The following FRMD4B variants were observed in gnomAD, a reference collection of about 807,000 sequenced individuals.
FRMD4B encodes FERM domain containing 4B.
Under a neutral mutation model 141.5 loss-of-function variants are expected in FRMD4B, and 74 were observed. The ratio of observed to expected loss-of-function variants is 0.52; its 90% CI spans 0.43 to 0.63. The LOEUF is 0.63. Ranked by LOEUF, FRMD4B falls within the 30% of genes least tolerant of loss-of-function variation. The pLI is 0.00. For missense variants in FRMD4B, 1,366 were observed against 1,253.4 expected (o/e 1.09, Z -1.36); for synonymous variants, 506 against 467.9 (o/e 1.08, Z -1.05).
chr3:69,277,491 A>G (rs2093623099), intron 5 of FRMD4B, among the ~76,000 whole-genome samples: 1 of 144,922 alleles, frequency 6.9e-6, no homozygotes, highest in East Asian at 2.0e-4. Flanking sequence ...TATGTCTTGA[A>G]CAGCATTTTC....
intron 1 of FRMD4B, among the ~76,000 whole-genome samples, chr3:69,323,633 T>G: frequency 1.6e-5 from 1 of 62,646 alleles, no homozygotes; most frequent in Admixed American, 1.9e-4. Context: ...TATATATATA[T>G]ATATATATAT....
At chr3:69,177,817 T>C (rs1344330295) in intron 21 of FRMD4B, among the ~76,000 whole-genome samples, 2 of 152,188 alleles carry the variant, frequency 1.3e-5, no homozygotes, top group African/African-American at 4.8e-5. Context: ...ATGTGTTCCA[T>C]AAGTTGACTT....
intron 1 of FRMD4B, among the ~76,000 whole-genome samples, chr3:69,456,732 G>GA (rs1559533104): frequency 0.012 from 1,420 of 120,558 alleles, 24 homozygotes; most frequent in African/African-American, 0.042. Context: ...TTCCATTTTT[G>GA]TAAAAAAAAA....
intron 4 of FRMD4B, among the ~76,000 whole-genome samples, chr3:69,300,681 A>G (rs1559789335): frequency 6.6e-6 from 1 of 152,230 alleles, no homozygotes; most frequent in Non-Finnish European, 1.5e-5. Context: ...ACACTACACC[A>G]CATGCACAAA....
chr3:69,211,294 C>T (rs1245361420), intron 11 of FRMD4B, among the ~76,000 whole-genome samples: 1 of 152,144 alleles, frequency 6.6e-6, no homozygotes, highest in African/African-American at 2.4e-5. Flanking sequence ...GATTAAACAA[C>T]ATGCTCAAGG....
At chr3:69,275,945 A>G (rs890443124) in intron 5 of FRMD4B, among the ~76,000 whole-genome samples, 1 of 152,148 alleles carries the variant, frequency 6.6e-6, no homozygotes. Flanking sequence ...AGTACATTTC[A>G]TATACATAAG....
intron 8 of FRMD4B, 52 bp downstream of exon 8, chr3:69,224,555 T>C: frequency 1.2e-6 from 1 of 817,354 alleles, no homozygotes; most frequent in Non-Finnish European, 2.1e-6. Context: ...AAGCATGTAG[T>C]TCTGAATGGA....
chr3:69,299,152 T>C (rs1701129214), intron 4 of FRMD4B, among the ~76,000 whole-genome samples: 1 of 152,138 alleles, frequency 6.6e-6, no homozygotes, highest in African/African-American at 2.4e-5. Context: ...AAAACTCCAA[T>C]ACATAATGAA....
At chr3:69,416,481 G>A (rs1704863754) in intron 2 of FRMD4B, among the ~76,000 whole-genome samples, 2 of 152,126 alleles carry the variant, frequency 1.3e-5, no homozygotes, top group South Asian at 2.1e-4. Flanking sequence ...GCAACCCACT[G>A]AATCTGGCCA....
chr3:69,438,288 T>C (rs1705292245), intron 1 of FRMD4B, among the ~76,000 whole-genome samples: 1 of 151,832 alleles, frequency 6.6e-6, no homozygotes, highest in South Asian at 2.1e-4. Flanking sequence ...ATTTTTTTTG[T>C]AGAGACAGGT....
At chr3:69,240,448 A>G (rs1278779884) in intron 7 of FRMD4B, among the ~76,000 whole-genome samples, 1 of 136,584 alleles carries the variant, frequency 7.3e-6, no homozygotes, top group Admixed American at 8.7e-5. Flanking sequence ...GCCACTGCAC[A>G]CTCCAGCCTG....
chr3:69,278,714 G>A (rs1367705719), intron 5 of FRMD4B, among the ~76,000 whole-genome samples: 1 of 151,944 alleles, frequency 6.6e-6, no homozygotes, highest in African/African-American at 2.4e-5. Flanking sequence ...AGCCTCTGAA[G>A]TAGCTGGGAC....
chr3:69,200,806 A>T (rs1208544477), intron 11 of FRMD4B: 1 of 571,936 alleles, frequency 1.7e-6, no homozygotes, highest in Non-Finnish European at 3.0e-6. Context: ...ACCCTAGTTT[A>T]CTCACCCTGG....
At chr3:69,373,500 C>G (rs1703885105) in intron 1 of FRMD4B, among the ~76,000 whole-genome samples, 1 of 152,144 alleles carries the variant, frequency 6.6e-6, no homozygotes, top group East Asian at 1.9e-4. Context: ...ACCTATTTAA[C>G]ATCATTAGAA....
intron 3 of FRMD4B, among the ~76,000 whole-genome samples, chr3:69,308,622 T>C (rs989578515): frequency 6.6e-6 from 1 of 152,016 alleles, no homozygotes; most frequent in Admixed American, 6.5e-5. Context: ...GCATTTTTAG[T>C]AGAGATGGGG....
chr3:69,226,033 A>G (rs1172400572), intron 7 of FRMD4B, among the ~76,000 whole-genome samples: 1 of 152,162 alleles, frequency 6.6e-6, no homozygotes, highest in East Asian at 1.9e-4. Flanking sequence ...CACCACAAGC[A>G]TTCCCATGCA....
intron 2 of FRMD4B, among the ~76,000 whole-genome samples, chr3:69,409,088 C>A (rs1262170350): frequency 6.6e-6 from 1 of 152,158 alleles, no homozygotes; most frequent in Non-Finnish European, 1.5e-5. Context: ...GTTCTTGGCT[C>A]ACAGTGAGTT....
intron 4 of FRMD4B, among the ~76,000 whole-genome samples, chr3:69,288,780 A>G (rs969758389): frequency 1.3e-5 from 2 of 152,190 alleles, no homozygotes; most frequent in African/African-American, 4.8e-5. Context: ...TTACTCTCAG[A>G]TCAGTGAGAG....
At chr3:69,421,569 C>T (rs1704979158) in intron 2 of FRMD4B, among the ~76,000 whole-genome samples, 1 of 152,220 alleles carries the variant, frequency 6.6e-6, no homozygotes, top group Non-Finnish European at 1.5e-5. Context: ...CAAATCAAGC[C>T]TGCAGAGCAG....
Sources: gnomAD v4.1 joint callset for allele counts (sites outside exome capture counted in the v4.1 genomes callset) on GRCh38, gnomAD v4.1.1 for gene constraint, MANE v1.5 for transcripts, NCBI Gene and HGNC (gene_info 2026-07-23, HGNC 2026-07-21) for gene names.